The following SMIM45 variants were observed in gnomAD, a reference collection of about 807,000 sequenced individuals.
SMIM45 encodes the protein long intergenic non-protein coding RNA 634.
the SMIM45 span, among the ~76,000 whole-genome samples, chr22:41,947,611 C>T: frequency 6.7e-6 from 1 of 150,022 alleles, no homozygotes; most frequent in South Asian, 2.1e-4. Context: ...CAAGTGATCC[C>T]GCCTCGGCCT....
chr22:41,955,456 G>A, the SMIM45 span, among the ~76,000 whole-genome samples: 3 of 152,042 alleles, frequency 2.0e-5, no homozygotes, highest in Admixed American at 2.0e-4. Flanking sequence ...TGGGATCATA[G>A]GCATGAGCCA....
chr22:41,947,739 C>T, the SMIM45 span, among the ~76,000 whole-genome samples: 2 of 149,012 alleles, frequency 1.3e-5, no homozygotes, highest in African/African-American at 2.5e-5. Context: ...GATCATAGCT[C>T]ACTACAGCTT....
At chr22:41,947,157 C>A in the SMIM45 span, 1 of 1,373,826 alleles carries the variant, frequency 7.3e-7, no homozygotes, top group South Asian at 1.2e-5. Flanking sequence ...TAGAGCGCGG[C>A]CTGGGGGCAC....
At chr22:41,951,478 A>G in the SMIM45 span, among the ~76,000 whole-genome samples, 7 of 152,176 alleles carry the variant, frequency 4.6e-5, no homozygotes, top group Admixed American at 2.6e-4. Flanking sequence ...GGAGGACTGC[A>G]GGAAGTGATG....
chr22:41,947,016 C>T, the SMIM45 span: 8 of 1,612,760 alleles, frequency 5.0e-6, no homozygotes, highest in Non-Finnish European at 5.1e-6. Flanking sequence ...CCGCCTGCAC[C>T]TACCAAGATG....
chr22:41,958,483 G>GGAGAGAGAGAGAGAGAGA, the SMIM45 span: 22 of 356,082 alleles, frequency 6.2e-5, no homozygotes, highest in Admixed American at 2.0e-4. Flanking sequence ...GGGTTGGTGA[G>GGAGAGAGAGAGAGAGAGA]GAGAGAGAGA....
At chr22:41,952,648 T>G in the SMIM45 span, among the ~76,000 whole-genome samples, 1 of 152,176 alleles carries the variant, frequency 6.6e-6, no homozygotes, top group Admixed American at 6.5e-5. Context: ...AGGAGGCCAG[T>G]GAGTGTGTTG....
At chr22:41,948,261 G>C in the SMIM45 span, among the ~76,000 whole-genome samples, 1 of 152,110 alleles carries the variant, frequency 6.6e-6, no homozygotes, top group African/African-American at 2.4e-5. Flanking sequence ...TGAGTGAATG[G>C]ATGGATTACA....
At chr22:41,955,511 C>A in the SMIM45 span, among the ~76,000 whole-genome samples, 5 of 151,302 alleles carry the variant, frequency 3.3e-5, no homozygotes, top group African/African-American at 1.2e-4. Context: ...CTTGTTAAAA[C>A]TGCAAAGTAC....
At chr22:41,949,007 G>A in the SMIM45 span, among the ~76,000 whole-genome samples, 8 of 152,308 alleles carry the variant, frequency 5.3e-5, no homozygotes, top group South Asian at 1.7e-3. Context: ...AGAGGTTGCA[G>A]TGAGCTGAGA....
the SMIM45 span, among the ~76,000 whole-genome samples, chr22:41,954,654 G>T: frequency 1.3e-5 from 2 of 152,238 alleles, no homozygotes; most frequent in Admixed American, 1.3e-4. Context: ...CGCACATAGT[G>T]TGCCATGTGA....
the SMIM45 span, chr22:41,947,098 T>C: frequency 6.2e-7 from 1 of 1,612,150 alleles, no homozygotes; most frequent in Non-Finnish European, 8.5e-7. Context: ...GACCAACCGT[T>C]GCTCCTGCGG....
the SMIM45 span, chr22:41,946,963 C>G: frequency 1.3e-6 from 2 of 1,576,480 alleles, no homozygotes; most frequent in Non-Finnish European, 1.7e-6. Context: ...GACCTAGTGG[C>G]TGAAGCACCG....
chr22:41,946,983 A>C, the SMIM45 span: 322 of 1,608,840 alleles, frequency 2.0e-4, 1 homozygote, highest in Non-Finnish European at 2.7e-4. Context: ...GCCCAGGAGG[A>C]AAAACCGGCG....
the SMIM45 span, among the ~76,000 whole-genome samples, chr22:41,952,786 T>C: frequency 0.57 from 86,873 of 151,972 alleles, 28,131 homozygotes; most frequent in African/African-American, 0.87. Flanking sequence ...CTATTCCACA[T>C]CCCCCAGCAT....
chr22:41,950,133 T>G, the SMIM45 span, among the ~76,000 whole-genome samples: 1 of 151,470 alleles, frequency 6.6e-6, no homozygotes, highest in African/African-American at 2.4e-5. Flanking sequence ...GTATTGAGCT[T>G]CCCATAAGCT....
At chr22:41,952,623 G>A in the SMIM45 span, among the ~76,000 whole-genome samples, 1 of 152,322 alleles carries the variant, frequency 6.6e-6, no homozygotes, top group South Asian at 2.1e-4. Context: ...GGTGAAGAAG[G>A]GGCCAAGATA....
the SMIM45 span, among the ~76,000 whole-genome samples, chr22:41,955,050 G>GACGC: frequency 0.23 from 35,006 of 151,818 alleles, 6,032 homozygotes; most frequent in African/African-American, 0.47. Context: ...TAAGGTTTGT[G>GACGC]ACGCACCTTA....
chr22:41,951,990 T>G, the SMIM45 span, among the ~76,000 whole-genome samples: 1 of 152,242 alleles, frequency 6.6e-6, no homozygotes, highest in Non-Finnish European at 1.5e-5. Context: ...ATCCTGCCGC[T>G]CTGTCATCTG....
Sources: allele counts gnomAD v4.1 joint callset (sites outside exome capture counted in the v4.1 genomes callset), GRCh38; gene constraint gnomAD v4.1.1; transcripts MANE v1.5; gene names NCBI Gene and HGNC (gene_info 2026-07-23, HGNC 2026-07-21).